Variants in PCDH15 observed in about 807,000 individuals in gnomAD.
PCDH15 encodes protocadherin related 15.
In PCDH15, 129 loss-of-function variants were observed where a neutral mutation model predicts 178.5. The ratio of observed to expected loss-of-function variants is 0.72; its 90% confidence interval spans 0.63 to 0.84. The LOEUF (loss-of-function observed/expected upper bound fraction) is 0.84. PCDH15 is among the 40% of genes least tolerant of loss of function. PCDH15 has a pLI of 0.00. For missense variants in PCDH15, 2,230 were observed against 2,099.9 expected (o/e 1.06, Z -1.21); for synonymous variants, 800 against 732.0 (o/e 1.09, Z -1.50).
At chr10:55,472,689 C>A (rs966804157) in intron 2 of PCDH15, among the ~76,000 whole-genome samples, 27 of 152,142 alleles carry the variant, frequency 1.8e-4, no homozygotes, top group African/African-American at 6.5e-4. Context: ...CTGCCTCATC[C>A]TCCCTAGTAG....
chr10:54,860,607 G>A (rs1953822206), intron 3 of PCDH15, among the ~76,000 whole-genome samples: 1 of 152,098 alleles, frequency 6.6e-6, no homozygotes, highest in African/African-American at 2.4e-5. Flanking sequence ...GCGCTATGAT[G>A]AACATATGAT....
intron 3 of PCDH15, among the ~76,000 whole-genome samples, chr10:54,387,999 T>C (rs949228117): frequency 2.6e-5 from 4 of 152,162 alleles, no homozygotes; most frequent in African/African-American, 9.7e-5. Context: ...TATTGATTAA[T>C]GGTATAGAGT....
At chr10:55,057,786 C>G (rs1004641438) in intron 2 of PCDH15, among the ~76,000 whole-genome samples, 1 of 152,186 alleles carries the variant, frequency 6.6e-6, no homozygotes, top group African/African-American at 2.4e-5. Flanking sequence ...CAAAAGAACT[C>G]AAGTTGCATT....
chr10:53,840,007 A>G (rs1282676613), intron 29 of PCDH15, among the ~76,000 whole-genome samples: 2 of 152,202 alleles, frequency 1.3e-5, no homozygotes, highest in Non-Finnish European at 2.9e-5. Context: ...TTCCTCATTA[A>G]TAGCCAGTGC....
intron 2 of PCDH15, among the ~76,000 whole-genome samples, chr10:55,364,844 T>A (rs955338580): frequency 6.6e-6 from 1 of 152,094 alleles, no homozygotes; most frequent in Non-Finnish European, 1.5e-5. Flanking sequence ...CTCTTTTGTC[T>A]CCCTTCTGCT....
intron 2 of PCDH15, among the ~76,000 whole-genome samples, chr10:55,330,495 A>G (rs953748983): frequency 1.3e-5 from 2 of 151,886 alleles, no homozygotes; most frequent in African/African-American, 4.8e-5. Flanking sequence ...AGATCTGTCA[A>G]ATTGCTTATC....
At chr10:53,895,679 G>GACA (rs2081902245) in intron 26 of PCDH15, among the ~76,000 whole-genome samples, 1 of 152,082 alleles carries the variant, frequency 6.6e-6, no homozygotes, top group South Asian at 2.1e-4. Flanking sequence ...TTGCAGTTAA[G>GACA]ACAACATGCA....
intron 26 of PCDH15, among the ~76,000 whole-genome samples, chr10:53,878,205 A>ACACACACC (rs2080382435): frequency 8.6e-6 from 1 of 115,928 alleles, no homozygotes; most frequent in Admixed American, 1.1e-4. Context: ...ACACACACAC[A>ACACACACC]CACACTTTGA....
In PCDH15 at chr10:54,727,398, A is replaced by T. The variant is rs900919875; in HGVS notation, c.-28-63108T>A. On this transcript the variant is annotated intron_variant, in intron 1 of 37. Transcript: ENST00000644397. ...AGCAGAAAACAAGAAATTATTTGAA[A>T]CTAATGAAACAAAGATACAACATAC... Among the ~76,000 whole-genome samples the T allele has an allele frequency of 4.6e-5, 7 of 151,606 alleles. No individual in the cohort carries two copies. In the East Asian group the frequency reaches 1.4e-3, roughly 29 times the overall value.
At chr10:55,480,516 T>A (rs1165047526) in intron 2 of PCDH15, among the ~76,000 whole-genome samples, 1 of 151,130 alleles carries the variant, frequency 6.6e-6, no homozygotes, top group African/African-American at 2.4e-5. Context: ...AATACCTAGT[T>A]CATTTAGAGT....
At chr10:54,505,282 A>G (rs1589762352) in intron 3 of PCDH15, among the ~76,000 whole-genome samples, 1 of 152,136 alleles carries the variant, frequency 6.6e-6, no homozygotes. Context: ...ATGAATTTCT[A>G]TGTATACACA....
chr10:55,462,898 G>T (rs1839710186), intron 2 of PCDH15, among the ~76,000 whole-genome samples: 1 of 151,986 alleles, frequency 6.6e-6, no homozygotes, highest in South Asian at 2.1e-4. Context: ...GTAGAAGCTT[G>T]TTTTTAATAA....
intron 2 of PCDH15, among the ~76,000 whole-genome samples, chr10:54,551,154 CA>C (rs57337778): frequency 0.027 from 1,423 of 52,316 alleles, 10 homozygotes; most frequent in African/African-American, 0.082. Flanking sequence ...GACTCTGTCT[CA>C]AAAAAAAAAA....
At chr10:54,439,447 G>C (rs1380477171) in intron 3 of PCDH15, among the ~76,000 whole-genome samples, 1 of 151,956 alleles carries the variant, frequency 6.6e-6, no homozygotes, top group African/African-American at 2.4e-5. Flanking sequence ...GTTCCATTAC[G>C]GAAAGAGTTT....
chr10:55,154,908 C>G (rs908931338), intron 2 of PCDH15, among the ~76,000 whole-genome samples: 6 of 152,082 alleles, frequency 3.9e-5, no homozygotes, highest in Non-Finnish European at 8.8e-5. Flanking sequence ...TCTCAGATTG[C>G]AAGATGAAGT....
At chr10:55,355,107 A>T (rs1162556568) in intron 2 of PCDH15, among the ~76,000 whole-genome samples, 1 of 152,046 alleles carries the variant, frequency 6.6e-6, no homozygotes, top group African/African-American at 2.4e-5. Flanking sequence ...ATTTCTGGGT[A>T]GTATTCCAAT....
At chr10:53,816,516 C>G (rs545523389) in intron 34 of PCDH15, among the ~76,000 whole-genome samples, 1 of 152,092 alleles carries the variant, frequency 6.6e-6, no homozygotes, top group Non-Finnish European at 1.5e-5. Flanking sequence ...TAGTTAATGA[C>G]AAATTTAATA....
At chr10:54,207,491 A>C (rs766250405) in intron 10 of PCDH15, among the ~76,000 whole-genome samples, 1 of 152,046 alleles carries the variant, frequency 6.6e-6, no homozygotes, top group South Asian at 2.1e-4. Flanking sequence ...TAACTCATTA[A>C]AACAAAAGTT....
intron 15 of PCDH15, among the ~76,000 whole-genome samples, chr10:54,097,409 C>T (rs2094720311): frequency 6.6e-6 from 1 of 152,182 alleles, no homozygotes; most frequent in South Asian, 2.1e-4. Context: ...TCCTCAGATA[C>T]AACCATGGCT....
Sources: allele counts gnomAD v4.1 joint callset (sites outside exome capture counted in the v4.1 genomes callset), GRCh38; gene constraint gnomAD v4.1.1; transcripts MANE v1.5; gene names NCBI Gene and HGNC (gene_info 2026-07-23, HGNC 2026-07-21).